The following ALDH18A1 variants were observed in gnomAD, a reference collection of about 807,000 sequenced individuals.
The protein encoded by ALDH18A1 is delta-1-pyrroline-5-carboxylate synthase.
A neutral mutation model predicts 88.8 loss-of-function variants in ALDH18A1; 44 were observed. The ratio of observed to expected loss-of-function variants is 0.50; its 90% CI spans 0.39 to 0.64. The LOEUF is 0.64. Ranked by LOEUF, ALDH18A1 falls within the 30% of genes least tolerant of loss-of-function variation. The pLI, the probability that ALDH18A1 is intolerant of heterozygous loss-of-function variation, is 0.00. For synonymous variants in ALDH18A1, 331 were observed against 372.1 expected, an observed-to-expected ratio of 0.89 and a Z score of 1.27; for missense variants, 782 against 1,009.5, an observed-to-expected ratio of 0.77 and a Z score of 3.05.
intron 15 of ALDH18A1, among the ~76,000 whole-genome samples, chr10:95,613,160 TCTTGCAGG>T (rs2097838460): frequency 6.6e-6 from 1 of 152,260 alleles, no homozygotes; most frequent in Non-Finnish European, 1.5e-5. Context: ...TATTATATTT[TCTTGCAGG>T]CATGAATTTA....
chr10:95,620,615 A>C (rs1231418427), intron 12 of ALDH18A1, among the ~76,000 whole-genome samples: 1 of 152,224 alleles, frequency 6.6e-6, no homozygotes, highest in Non-Finnish European at 1.5e-5. Context: ...AAAAAGGGTA[A>C]GTTCATGTCC....
chr10:95,642,953 C>A (rs1380774950), intron 3 of ALDH18A1, 39 bp downstream of exon 3: 2 of 1,607,486 alleles, frequency 1.2e-6, no homozygotes, highest in Non-Finnish European at 1.7e-6. Context: ...ACTTAAAAAC[C>A]CAATTTTAGT....
At chr10:95,614,613 T>C (rs1474497627) in intron 13 of ALDH18A1, among the ~76,000 whole-genome samples, 2 of 152,216 alleles carry the variant, frequency 1.3e-5, no homozygotes, top group African/African-American at 2.4e-5. Context: ...GAGGAAATGT[T>C]GGGTTGGTCT....
At chr10:95,615,702 G>C (rs149539899) in intron 13 of ALDH18A1, among the ~76,000 whole-genome samples, 1,682 of 152,242 alleles carry the variant, frequency 0.011, 18 homozygotes, top group Non-Finnish European at 0.017. Context: ...AGTGTGTAAT[G>C]AGCAGGTTTG....
chr10:95,636,970 T>C, intron 5 of ALDH18A1, 123 bp downstream of exon 5: 2 of 924,502 alleles, frequency 2.2e-6, no homozygotes, highest in Non-Finnish European at 3.4e-6. Flanking sequence ...GAAACTTTCT[T>C]CAGATCTCAA....
At chr10:95,610,983 T>C (rs796473408) in intron 16 of ALDH18A1, among the ~76,000 whole-genome samples, 2 of 152,322 alleles carry the variant, frequency 1.3e-5, no homozygotes, top group African/African-American at 4.8e-5. Context: ...AACTACCTTG[T>C]AAGATTTGCT....
At chr10:95,655,681 A>AGTGTGTGTGTGTGTGT (rs3838754) in intron 1 of ALDH18A1, among the ~76,000 whole-genome samples, 84 of 150,166 alleles carry the variant, frequency 5.6e-4, no homozygotes, top group African/African-American at 1.7e-3. Context: ...GAGCAAAGAG[A>AGTGTGTGTGTGTGTGT]GTGTGTGTGT....
rs752438741 is a variant in ALDH18A1, at chr10:95,643,142, T to C, written c.153A>G (p.Val51=). 6.2e-7 allele frequency: 1 copy of C among 1,614,134 alleles called. No homozygotes were observed. The highest frequency in any genetic ancestry group is 1.7e-5 in the Admixed American group (1 of 60,012). The change falls in exon 3 of 18, where the codon GTA becomes GTG. Residue 51 remains valine, a synonymous_variant. Coordinates refer to ENST00000371224, the MANE Select transcript of ALDH18A1 (RefSeq NM_002860.4). ...ACTTGCCATGTGTACGACTGAGGGG[T>C]ACAGTGATAAACGGGATGTTGCTCC... ...RSWSNIPFIT[V]PLSRTHGKSF...
chr10:95,618,576 A>C (rs2097847532), intron 12 of ALDH18A1, among the ~76,000 whole-genome samples: 1 of 152,174 alleles, frequency 6.6e-6, no homozygotes, highest in Non-Finnish European at 1.5e-5. Flanking sequence ...GGCCTCCCAA[A>C]GTGCTGGGAT....
At chr10:95,613,666 T>C (rs2139539476) in intron 15 of ALDH18A1, 76 bp downstream of exon 15, 1 of 1,437,484 alleles carries the variant, frequency 7.0e-7, no homozygotes, top group Non-Finnish European at 9.7e-7. Context: ...CTGCCTTATA[T>C]GGTATGGCTG....
intron 17 of ALDH18A1, among the ~76,000 whole-genome samples, chr10:95,607,887 G>C (rs2097825803): frequency 1.3e-5 from 2 of 152,186 alleles, no homozygotes; most frequent in Admixed American, 1.3e-4. Flanking sequence ...ACGAGACACA[G>C]TAGGGGCGGG....
intron 13 of ALDH18A1, 21 bp downstream of exon 13, chr10:95,616,456 G>T: frequency 6.4e-7 from 1 of 1,556,678 alleles, no homozygotes. Flanking sequence ...GGCCTGACTT[G>T]GTGCATTCCC....
chr10:95,637,911 T>C (rs2097883909), intron 3 of ALDH18A1, among the ~76,000 whole-genome samples: 1 of 151,882 alleles, frequency 6.6e-6, no homozygotes, highest in African/African-American at 2.4e-5. Context: ...CAGTAACCCA[T>C]GATCGCACCA....
intron 2 of ALDH18A1, among the ~76,000 whole-genome samples, chr10:95,646,999 G>A (rs1051239315): frequency 6.6e-6 from 1 of 152,066 alleles, no homozygotes; most frequent in South Asian, 2.1e-4. Context: ...TTTCTCTCTG[G>A]CCTTCCATTG....
At chr10:95,609,576 C>T (rs1246075552) in intron 17 of ALDH18A1, among the ~76,000 whole-genome samples, 2 of 152,180 alleles carry the variant, frequency 1.3e-5, no homozygotes, top group African/African-American at 4.8e-5. Flanking sequence ...AAGTTTGGGT[C>T]TGAATGCCAG....
intron 7 of ALDH18A1, among the ~76,000 whole-genome samples, chr10:95,630,135 GTC>G (rs2097866392): frequency 6.6e-6 from 1 of 151,916 alleles, no homozygotes; most frequent in African/African-American, 2.4e-5. Flanking sequence ...TCCCAACAGG[GTC>G]TCTGTTTCTG....
chr10:95,626,462 T>C (rs2097860523), intron 10 of ALDH18A1, among the ~76,000 whole-genome samples: 1 of 152,214 alleles, frequency 6.6e-6, no homozygotes, highest in Non-Finnish European at 1.5e-5. Context: ...ATTTTTATGA[T>C]GCTCTTGATC....
Position 95,637,247 on chromosome 10 carries a change from C to T in ALDH18A1, c.453+40G>A, listed in dbSNP as rs368394631. ...TGTGGTAGGGAATGAGGGAAGAAGA[C>T]CTGAAGATCCATTTCAATGTGTGGG... is the stretch of plus-strand genomic sequence containing the variant. On this transcript the variant is annotated intron_variant, in intron 4 of 17. Transcript: ENST00000371224. 20 of 1,614,184 alleles carry T rather than the reference C, an allele frequency of 1.2e-5. No individual in the cohort carries two copies. The African/African-American group carries it at 2.7e-4, about 22-fold the overall frequency.
At chr10:95,628,282 C>T in intron 8 of ALDH18A1, 86 bp downstream of exon 8, 1 of 1,584,496 alleles carries the variant, frequency 6.3e-7, no homozygotes, top group Non-Finnish European at 8.7e-7. Flanking sequence ...GAACCATTAA[C>T]CCCCAAATAA....
Sources: allele counts gnomAD v4.1 joint callset (sites outside exome capture counted in the v4.1 genomes callset), GRCh38; gene constraint gnomAD v4.1.1; transcripts MANE v1.5; gene names NCBI Gene and HGNC (gene_info 2026-07-23, HGNC 2026-07-21).